Variants in SLC9A2 observed in about 807,000 individuals in gnomAD.
The protein encoded by SLC9A2 is sodium/hydrogen exchanger 2.
SLC9A2 carries 42 observed loss-of-function variants against 71.7 expected under a neutral mutation model. The observed-to-expected ratio is 0.59, with a 90% confidence interval of 0.46 to 0.76. The LOEUF (loss-of-function observed/expected upper bound fraction) is 0.76. Ranked by LOEUF, SLC9A2 falls within the 30% of genes least tolerant of loss-of-function variation. SLC9A2 has a pLI of 0.00. For synonymous variants in SLC9A2, 396 were observed against 392.5 expected, an observed-to-expected ratio of 1.01 and a Z score of -0.10; for missense variants, 829 against 1,017.4, an observed-to-expected ratio of 0.81 and a Z score of 2.52.
intron 1 of SLC9A2, among the ~76,000 whole-genome samples, chr2:102,650,725 T>C (rs1394915965): frequency 6.6e-6 from 1 of 152,206 alleles, no homozygotes; most frequent in Non-Finnish European, 1.5e-5. Flanking sequence ...CCGTACATCA[T>C]TGTGTGAATT....
In SLC9A2 at chr2:102,619,709, G is replaced by A. The variant is rs1181531432; in HGVS notation, c.-140G>A. 1 of 686,498 alleles carries A rather than the reference G, an allele frequency of 1.5e-6. No homozygotes were observed. The highest frequency in any genetic ancestry group is 2.2e-6 in the Non-Finnish European group (1 of 458,676). 42.5% of individuals were successfully genotyped at this position (686,498 alleles called of 1,614,324 possible). A position where few individuals can be genotyped will look rare whatever the true frequency, so the allele number is the denominator to read the frequency against. On this transcript the variant is annotated 5_prime_UTR_variant, in exon 1 of 12. Transcript: ENST00000233969. This position sits in a 1 kb window ranked among gnomAD's most constrained non-coding sequence, Gnocchi z 4.3. ...CCTAGCCCTCTGGTTGCAGAGACCC[G>A]GTGCCGCAGCAGCGGCGGGTGGCTG... is the stretch of plus-strand genomic sequence containing the variant.
chr2:102,683,990 G>T, intron 4 of SLC9A2, 144 bp from the exon 5 acceptor site: 1 of 641,800 alleles, frequency 1.6e-6, no homozygotes, highest in Non-Finnish European at 2.7e-6. Flanking sequence ...GGTATTACTA[G>T]CAAGACAGAG....
chr2:102,688,117 T>C (rs1677586168), intron 5 of SLC9A2, among the ~76,000 whole-genome samples: 1 of 152,178 alleles, frequency 6.6e-6, no homozygotes. Flanking sequence ...TCTGATTCCT[T>C]GGACATTTGA....
intron 1 of SLC9A2, among the ~76,000 whole-genome samples, chr2:102,630,352 G>A (rs970379942): frequency 6.6e-6 from 1 of 151,732 alleles, no homozygotes; most frequent in Admixed American, 6.6e-5. Flanking sequence ...CTGAGTGTAG[G>A]GTTTGGTGTT....
chr2:102,676,458 T>C (rs1347679539), intron 3 of SLC9A2, among the ~76,000 whole-genome samples: 3 of 152,200 alleles, frequency 2.0e-5, no homozygotes, highest in African/African-American at 7.2e-5. Context: ...TTGAAAGCAG[T>C]TATACAGGAG....
At chr2:102,647,708 A>G (rs1676754201) in intron 1 of SLC9A2, among the ~76,000 whole-genome samples, 1 of 152,212 alleles carries the variant, frequency 6.6e-6, no homozygotes, top group South Asian at 2.1e-4. Context: ...AGAACACTAT[A>G]AACACCTCTA....
intron 5 of SLC9A2, among the ~76,000 whole-genome samples, chr2:102,692,482 C>G (rs1677682437): frequency 6.6e-6 from 1 of 152,128 alleles, no homozygotes; most frequent in Non-Finnish European, 1.5e-5. Flanking sequence ...TCCTAACTAC[C>G]CTTCCTATCC....
chr2:102,703,277 C>G (rs770953446), intron 9 of SLC9A2, among the ~76,000 whole-genome samples: 5 of 152,146 alleles, frequency 3.3e-5, no homozygotes, highest in Non-Finnish European at 7.4e-5. Context: ...CTAAACTATT[C>G]GTTGAAAATT....
chr2:102,695,597 T>C (rs1677740650), intron 7 of SLC9A2, among the ~76,000 whole-genome samples: 1 of 151,650 alleles, frequency 6.6e-6, no homozygotes, highest in Non-Finnish European at 1.5e-5. Context: ...GACTCAGTCC[T>C]ATGGCCATTC....
At chr2:102,621,160 TAATC>T (rs1319903509) in intron 1 of SLC9A2, among the ~76,000 whole-genome samples, 23 of 151,464 alleles carry the variant, frequency 1.5e-4, no homozygotes, top group African/African-American at 4.9e-4. Context: ...TCTCAAAAAT[TAATC>T]AATCAATTAA....
chr2:102,701,704 A>G (rs1677877650), intron 8 of SLC9A2, among the ~76,000 whole-genome samples: 1 of 152,182 alleles, frequency 6.6e-6, no homozygotes, highest in South Asian at 2.1e-4. Context: ...AACCACCAAT[A>G]AATAACATAA....
chr2:102,634,611 G>C (rs558128782), intron 1 of SLC9A2, among the ~76,000 whole-genome samples: 2 of 152,168 alleles, frequency 1.3e-5, no homozygotes, highest in African/African-American at 4.8e-5. Flanking sequence ...CAAGTTGTTA[G>C]ACGTCCTGAT....
At chr2:102,704,102 T>C (rs1372443122) in intron 9 of SLC9A2, among the ~76,000 whole-genome samples, 2 of 152,234 alleles carry the variant, frequency 1.3e-5, no homozygotes, top group African/African-American at 2.4e-5. Context: ...AAATCAATCA[T>C]TGTTCTCATT....
chr2:102,656,706 A>G (rs1676950481), intron 1 of SLC9A2, among the ~76,000 whole-genome samples: 1 of 152,232 alleles, frequency 6.6e-6, no homozygotes, highest in African/African-American at 2.4e-5. Flanking sequence ...ATGTTTCTGA[A>G]TGCCACAGAT....
intron 1 of SLC9A2, among the ~76,000 whole-genome samples, chr2:102,630,034 T>C (rs1168292895): frequency 6.6e-6 from 1 of 152,122 alleles, no homozygotes; most frequent in Non-Finnish European, 1.5e-5. Flanking sequence ...TTCTTCCTAA[T>C]ACTTGAACTT....
At chr2:102,623,831 C>G (rs1284517508) in intron 1 of SLC9A2, among the ~76,000 whole-genome samples, 2 of 152,100 alleles carry the variant, frequency 1.3e-5, no homozygotes, top group African/African-American at 2.4e-5. Context: ...AATTAACAGG[C>G]TGTCCAAAGT....
At chr2:102,685,638 G>A (rs1031556813) in intron 5 of SLC9A2, among the ~76,000 whole-genome samples, 3 of 151,954 alleles carry the variant, frequency 2.0e-5, no homozygotes, top group Admixed American at 6.6e-5. Context: ...GAGGGAAAGA[G>A]GCATCACTCA....
chr2:102,680,055 T>G (rs898573695), intron 3 of SLC9A2, among the ~76,000 whole-genome samples: 1 of 149,836 alleles, frequency 6.7e-6, no homozygotes, highest in Non-Finnish European at 1.5e-5. Context: ...TTAAAGTGCT[T>G]TATAATAAAA....
intron 1 of SLC9A2, among the ~76,000 whole-genome samples, 170 bp downstream of exon 1, chr2:102,620,307 AGTTTCGC>A (rs1201507798): frequency 6.6e-6 from 1 of 152,180 alleles, no homozygotes; most frequent in African/African-American, 2.4e-5. Context: ...TTGGAAGAGC[AGTTTCGC>A]GTTTTGGTTC....
Sources: allele counts gnomAD v4.1 joint callset (sites outside exome capture counted in the v4.1 genomes callset), GRCh38; gene constraint gnomAD v4.1.1; non-coding constraint Gnocchi (gnomAD v3.1); transcripts MANE v1.5; gene names NCBI Gene and HGNC (gene_info 2026-07-23, HGNC 2026-07-21).